The following ANTXR1 variants were observed in gnomAD, a reference collection of about 807,000 sequenced individuals.
ANTXR1 encodes the protein ANTXR cell adhesion molecule 1.
In ANTXR1, 19 loss-of-function variants were observed where a neutral mutation model predicts 78.1. That is an observed-to-expected ratio of 0.24 (90% CI 0.17 to 0.36). The LOEUF is 0.36. ANTXR1 is among the 10% of genes least tolerant of loss of function. The pLI is 1.00. For missense variants in ANTXR1, 518 were observed against 718.6 expected (o/e 0.72, Z 3.19); for synonymous variants, 273 against 260.5 (o/e 1.05, Z -0.46).
chr2:69,073,266 A>C (rs111489161), intron 6 of ANTXR1, among the ~76,000 whole-genome samples, 165 bp downstream of exon 6: 122 of 152,324 alleles, frequency 8.0e-4, no homozygotes, highest in African/African-American at 2.8e-3. Context: ...GTGTTCTACA[A>C]GTGAATTTTC....
chr2:69,125,419 C>A (rs554396183), intron 12 of ANTXR1, among the ~76,000 whole-genome samples: 81 of 152,340 alleles, frequency 5.3e-4, no homozygotes, highest in African/African-American at 1.7e-3. Context: ...TCCACGGCAT[C>A]CCCAGGAGGT....
At chr2:69,234,568 A>G (rs893040129) in intron 17 of ANTXR1, among the ~76,000 whole-genome samples, 1 of 152,154 alleles carries the variant, frequency 6.6e-6, no homozygotes, top group Non-Finnish European at 1.5e-5. Flanking sequence ...CAGGAGTTCG[A>G]GACCAGCCTG....
intron 17 of ANTXR1, among the ~76,000 whole-genome samples, chr2:69,195,613 T>A (rs1302012791): frequency 5.3e-5 from 8 of 152,246 alleles, no homozygotes; most frequent in Admixed American, 3.9e-4. Context: ...AATTTCTATA[T>A]GAAATTTTAA....
chr2:69,201,501 A>T (rs1055605601), intron 17 of ANTXR1, among the ~76,000 whole-genome samples: 1 of 152,194 alleles, frequency 6.6e-6, no homozygotes, highest in East Asian at 1.9e-4. Context: ...GTAGAGACTT[A>T]CTGCAAGAGT....
At position 69,013,517 on chromosome 2, in the gene ANTXR1, G is replaced by C; in HGVS notation, c.18G>C (p.Arg6=). The change falls in exon 1 of 18, where the codon CGG becomes CGC. Residue 6 remains arginine, a synonymous_variant. Transcript: ENST00000303714. The surrounding 1 kb of genome is among the most constrained non-coding windows in gnomAD (Gnocchi z 5.0). MATAE[R]RALGIGFQWL... Reference sequence around the variant, plus strand: ...TGCGGGCCATGGCCACGGCGGAGCGGAGAGCCCTCGGCATCGGCTTCCAGT... The same window carrying C: ...TGCGGGCCATGGCCACGGCGGAGCGCAGAGCCCTCGGCATCGGCTTCCAGT... 1.3e-6 allele frequency: 2 copies of C among 1,588,876 alleles called. No homozygotes were observed. Among genetic ancestry groups the C allele is most frequent in the Non-Finnish European group, 1.7e-6 (2 of 1,169,562 alleles).
At chr2:69,016,635 C>A (rs767148609) in intron 1 of ANTXR1, among the ~76,000 whole-genome samples, 2 of 152,162 alleles carry the variant, frequency 1.3e-5, no homozygotes, top group African/African-American at 4.8e-5. Flanking sequence ...ACGTCATCTG[C>A]GTTATGATTC....
chr2:69,031,732 C>T (rs1671535229), intron 1 of ANTXR1, among the ~76,000 whole-genome samples: 3 of 152,216 alleles, frequency 2.0e-5, no homozygotes, highest in Non-Finnish European at 4.4e-5. Flanking sequence ...CTTAATCCTC[C>T]AAGTTTTGTT....
At chr2:69,199,014 G>A (rs181646233) in intron 17 of ANTXR1, among the ~76,000 whole-genome samples, 193 of 152,302 alleles carry the variant, frequency 1.3e-3, no homozygotes, top group African/African-American at 4.5e-3. Flanking sequence ...AGAAAGAATT[G>A]AAGGATGCAA....
chr2:69,040,126 C>T lies in ANTXR1; in HGVS notation c.224+11C>T. On this transcript the variant is annotated intron_variant, in intron 2 of 17. Coordinates refer to ENST00000303714, the MANE Select transcript of ANTXR1 (RefSeq NM_032208.3). ...TCACAAATTCATCAGGTGAGAAACA[C>T]TATGCATTTTGTTCACTTGTAGTTC... is the stretch of plus-strand genomic sequence containing the variant. 1 of 1,611,274 alleles carries T rather than the reference C, an allele frequency of 6.2e-7. No homozygotes were observed. Among genetic ancestry groups the T allele is most frequent in the African/African-American group, 1.3e-5 (1 of 74,966 alleles).
chr2:69,090,909 A>G lies in ANTXR1; in HGVS notation c.693A>G (p.Ile231Met). ...IEILAAEPSTICAGESFQVVV... is the reference protein window; with the variant it reads ...IEILAAEPSTMCAGESFQVVV... ...TTCTAGCAGCTGAACCATCCACCAT[A>G]TGTGCAGGAGGTAAATTGAAATGAA... Residue 231 changes from isoleucine to methionine, a missense_variant, in exon 9 of 18, where the codon ATA becomes ATG. Transcript: ENST00000303714. The G allele has an allele frequency of 6.2e-7, 1 of 1,612,906 alleles. No homozygotes were observed. The highest frequency in any genetic ancestry group is 8.5e-7 in the Non-Finnish European group (1 of 1,179,934).
At chr2:69,156,654 C>G (rs1433523772) in intron 13 of ANTXR1, among the ~76,000 whole-genome samples, 2 of 152,230 alleles carry the variant, frequency 1.3e-5, no homozygotes, top group Non-Finnish European at 2.9e-5. Context: ...AGGCATCTCA[C>G]ATGGTGGGAG....
intron 9 of ANTXR1, among the ~76,000 whole-genome samples, chr2:69,092,461 A>G (rs1473291629): frequency 2.0e-5 from 3 of 152,260 alleles, no homozygotes; most frequent in Non-Finnish European, 4.4e-5. Context: ...ATACATAAAT[A>G]CATATGTACA....
intron 10 of ANTXR1, among the ~76,000 whole-genome samples, chr2:69,108,572 T>G (rs142999373): frequency 0.026 from 3,965 of 152,306 alleles, 78 homozygotes; most frequent in Middle Eastern, 0.041. Flanking sequence ...ACCCAGGTAT[T>G]AAGCCTAGTA....
At chr2:69,096,496 G>A (rs1217447371) in intron 9 of ANTXR1, among the ~76,000 whole-genome samples, 1 of 148,606 alleles carries the variant, frequency 6.7e-6, no homozygotes, top group Non-Finnish European at 1.5e-5. Context: ...GGGAGGGAGG[G>A]AGGGAGGGAG....
At chr2:69,193,463 A>ACACAC in intron 17 of ANTXR1, 48 bp downstream of exon 17, 1 of 1,125,706 alleles carries the variant, frequency 8.9e-7, no homozygotes. Flanking sequence ...TCTCTCTCAC[A>ACACAC]TACACACACA....
At position 69,077,382 on chromosome 2, in the gene ANTXR1, T is replaced by A. The variant is rs1029189243; in HGVS notation, c.562-26T>A. On this transcript the variant is annotated intron_variant, in intron 7 of 17. Transcript: ENST00000303714. ...ATCCAAGCCTAACAGTCTCCCCATGTGTTTGTGTATTTGCTGTGTTCTCAG... is the reference window on the plus strand; with the variant it reads ...ATCCAAGCCTAACAGTCTCCCCATGAGTTTGTGTATTTGCTGTGTTCTCAG... The A allele has an allele frequency of 8.7e-6, 14 of 1,612,634 alleles. No individual in the cohort carries two copies. The Middle Eastern group carries it at 1.6e-3, about 190-fold the overall frequency.
intron 12 of ANTXR1, among the ~76,000 whole-genome samples, chr2:69,150,674 C>T (rs1558601835): frequency 6.6e-6 from 1 of 151,318 alleles, no homozygotes; most frequent in African/African-American, 2.4e-5. Flanking sequence ...ATACATAAAT[C>T]CATTATACCA....
Position 69,072,656 on chromosome 2 carries a change from A to G in ANTXR1, c.413-366A>G, listed in dbSNP as rs375489603. 1.3e-4 allele frequency among the ~76,000 whole-genome samples: 20 copies of G among 152,348 alleles called. 1 individual carries two copies. The highest frequency in any genetic ancestry group is 4.8e-4 in the African/African-American group (20 of 41,594). ...TTACAGCAGGTGACAAGGACGTCTG[A>G]ACAGCCCAGGTGGGAGTTTGCTCAC... On this transcript the variant is annotated intron_variant, in intron 5 of 17. Transcript: ENST00000303714.
intron 1 of ANTXR1, among the ~76,000 whole-genome samples, chr2:69,017,621 G>T (rs761679581): frequency 1.3e-5 from 2 of 152,168 alleles, no homozygotes; most frequent in Admixed American, 6.5e-5. Flanking sequence ...ACACAATAGG[G>T]CATTATTAGT....
Sources: gnomAD v4.1 joint callset for allele counts (sites outside exome capture counted in the v4.1 genomes callset) on GRCh38, gnomAD v4.1.1 for gene constraint, Gnocchi (gnomAD v3.1) non-coding constraint, MANE v1.5 for transcripts, NCBI Gene and HGNC (gene_info 2026-07-23, HGNC 2026-07-21) for gene names.